The following GLIS1 variants were observed in gnomAD, a reference collection of about 807,000 sequenced individuals.
The protein encoded by GLIS1 is zinc finger protein GLIS1.
A neutral mutation model predicts 63.8 loss-of-function variants in GLIS1; 24 were observed. The ratio of observed to expected loss-of-function variants is 0.38; its 90% confidence interval spans 0.27 to 0.53. The LOEUF (loss-of-function observed/expected upper bound fraction) is 0.53, where lower values mean the gene tolerates loss of function less well. Among genes scored for constraint, GLIS1 ranks in the 20% least tolerant of loss-of-function variants. The pLI, the probability that GLIS1 is intolerant of heterozygous loss-of-function variation, is 0.85. For synonymous variants in GLIS1, 450 were observed against 482.5 expected, an observed-to-expected ratio of 0.93 and a Z score of 0.88; for missense variants, 1,036 against 1,074.1, an observed-to-expected ratio of 0.96 and a Z score of 0.50.
rs1048572803 is a variant in GLIS1 at position 53,594,316 on chromosome 1, G to A, written c.1112C>T (p.Ala371Val). The change falls in exon 4 of 11, where the codon GCG (alanine) becomes GTG (valine). Residue 371 changes from alanine to valine, a missense_variant. Coordinates refer to ENST00000628545, the MANE Select transcript of GLIS1 (RefSeq NM_001367484.1). ...TGCACAGCAGTCCACCCAGCGGCACGCCTGCCGCCCGGCCACCACCCTGCC... is the reference window on the plus strand; with the variant it reads ...TGCACAGCAGTCCACCCAGCGGCACACCTGCCGCCCGGCCACCACCCTGCC... The part of the protein sequence containing the change: ...LAGRVVAGRQ[A>V]CRWVDCCAAY... The A allele has an allele frequency of 1.9e-6, 3 of 1,611,956 alleles. No individual in the cohort carries two copies. The highest frequency in any genetic ancestry group is 2.5e-6 in the Non-Finnish European group (3 of 1,179,684).
chr1:53,612,574 C>T (rs1439865569), intron 2 of GLIS1, among the ~76,000 whole-genome samples: 1 of 152,144 alleles, frequency 6.6e-6, no homozygotes, highest in African/African-American at 2.4e-5. Flanking sequence ...CCCCATCTCC[C>T]TGGGATCTTG....
chr1:53,705,145 G>A (rs777833193), intron 2 of GLIS1, among the ~76,000 whole-genome samples: 12 of 152,154 alleles, frequency 7.9e-5, no homozygotes, highest in South Asian at 4.2e-4. Flanking sequence ...ACTCAGTGTC[G>A]GGGCCCAGTT....
chr1:53,695,841 C>G (rs116416519), intron 2 of GLIS1, among the ~76,000 whole-genome samples: 4,833 of 152,334 alleles, frequency 0.032, 109 homozygotes, highest in Middle Eastern at 0.054. Flanking sequence ...GAAATGAAAA[C>G]TCTTCATCTG....
chr1:53,532,987 TGCCTCTCC>T (rs1644546457), intron 4 of GLIS1, among the ~76,000 whole-genome samples: 1 of 152,242 alleles, frequency 6.6e-6, no homozygotes, highest in Non-Finnish European at 1.5e-5. Context: ...TGGACCCAAC[TGCCTCTCC>T]CATGCAGACG....
At chr1:53,662,221 T>A (rs1336556487) in intron 2 of GLIS1, among the ~76,000 whole-genome samples, 1 of 152,306 alleles carries the variant, frequency 6.6e-6, no homozygotes, top group East Asian at 1.9e-4. Context: ...CCCTGGTTGA[T>A]GTGCCGTGTG....
At chr1:53,520,110 C>A (rs1283223533) in intron 7 of GLIS1, among the ~76,000 whole-genome samples, 1 of 152,206 alleles carries the variant, frequency 6.6e-6, no homozygotes, top group African/African-American at 2.4e-5. Flanking sequence ...AGAGTGACAG[C>A]TCAGAGTGCT....
In GLIS1 at chr1:53,560,332, G is replaced by C. The variant is rs962679540; in HGVS notation, c.1321-30380C>G. 7.9e-5 allele frequency among the ~76,000 whole-genome samples: 12 copies of C among 152,174 alleles called. No homozygotes were observed. Among genetic ancestry groups the C allele is most frequent in the Non-Finnish European group, 1.5e-4 (10 of 68,022 alleles). On this transcript the variant is annotated intron_variant, in intron 4 of 10. Transcript: ENST00000628545. The surrounding 1 kb of genome is among the most constrained non-coding windows in gnomAD (Gnocchi z 4.4). The stretch of plus-strand genomic sequence containing the variant: ...AGGAGCCCTAGGGGTTGCTGGGCCT[G>C]CCCCTGCCCAGCAACTGAGTGCCCA...
chr1:53,723,060 G>C (rs997781440), intron 2 of GLIS1, among the ~76,000 whole-genome samples: 19 of 151,882 alleles, frequency 1.3e-4, no homozygotes, highest in Admixed American at 1.0e-3. Context: ...TTGAACCTGG[G>C]AGGCAGAGGC....
At position 53,657,255 on chromosome 1, in the gene GLIS1, G is replaced by A. The variant is rs1645976747; in HGVS notation, c.260-56977C>T. On this transcript the variant is annotated intron_variant, in intron 2 of 10. Transcript: ENST00000628545. ...CAGTGGTTGAGGGGTATGCTAATAG[G>A]TCAGAGACTCAAATCCATGCCACAG... Among the ~76,000 whole-genome samples the A allele has an allele frequency of 2.0e-5, 3 of 152,158 alleles. No homozygotes were observed. The South Asian group carries it at 6.2e-4, about 32-fold the overall frequency.
chr1:53,665,445 C>A (rs1185607318), intron 2 of GLIS1, among the ~76,000 whole-genome samples: 1 of 152,146 alleles, frequency 6.6e-6, no homozygotes, highest in Non-Finnish European at 1.5e-5. Flanking sequence ...AATTTTGGAT[C>A]TACCACATGA....
intron 4 of GLIS1, among the ~76,000 whole-genome samples, chr1:53,569,816 T>C (rs933893884): frequency 2.6e-5 from 4 of 151,586 alleles, no homozygotes; most frequent in Admixed American, 2.6e-4. Context: ...AAAAAAGTAA[T>C]TAAAAAAGAT....
At chr1:53,599,522 A>G (rs1645294243) in intron 3 of GLIS1, among the ~76,000 whole-genome samples, 1 of 152,260 alleles carries the variant, frequency 6.6e-6, no homozygotes, top group Non-Finnish European at 1.5e-5. Context: ...CCTTTTCTTT[A>G]TAAATTACCC....
intron 2 of GLIS1, among the ~76,000 whole-genome samples, chr1:53,614,840 A>C (rs1645463175): frequency 6.6e-6 from 1 of 151,802 alleles, no homozygotes; most frequent in Admixed American, 6.6e-5. Context: ...ACACACATGC[A>C]CACACACGGA....
intron 4 of GLIS1, among the ~76,000 whole-genome samples, chr1:53,530,670 T>A (rs1316049658): frequency 1.3e-5 from 2 of 152,154 alleles, no homozygotes; most frequent in Non-Finnish European, 2.9e-5. Flanking sequence ...CCAGACAATT[T>A]CCAGCCTTTG....
At chr1:53,589,657 T>TA (rs1645169317) in intron 4 of GLIS1, among the ~76,000 whole-genome samples, 1 of 151,992 alleles carries the variant, frequency 6.6e-6, no homozygotes, top group Non-Finnish European at 1.5e-5. Context: ...GAGAGGGGCG[T>TA]AAGGAATGGA....
intron 2 of GLIS1, among the ~76,000 whole-genome samples, chr1:53,620,477 A>C (rs965234563): frequency 1.3e-5 from 2 of 152,248 alleles, no homozygotes; most frequent in African/African-American, 4.8e-5. Context: ...GCTCACTGCC[A>C]AGCACAGGGA....
intron 4 of GLIS1, among the ~76,000 whole-genome samples, chr1:53,580,319 T>C (rs1466250205): frequency 1.3e-5 from 2 of 152,192 alleles, no homozygotes; most frequent in Non-Finnish European, 2.9e-5. Context: ...CAGGCCTCCC[T>C]ACCTGTGAGG....
chr1:53,654,036 G>A (rs1435913664), intron 2 of GLIS1, among the ~76,000 whole-genome samples: 1 of 152,230 alleles, frequency 6.6e-6, no homozygotes, highest in East Asian at 1.9e-4. Flanking sequence ...GGCTGTGAGA[G>A]GGGCAGTGCC....
At chr1:53,568,933 G>A (rs1276454834) in intron 4 of GLIS1, among the ~76,000 whole-genome samples, 1 of 152,200 alleles carries the variant, frequency 6.6e-6, no homozygotes, top group Admixed American at 6.5e-5. Context: ...GAATGGGTAA[G>A]TAAACTGTGT....
Sources: allele counts gnomAD v4.1 joint callset (sites outside exome capture counted in the v4.1 genomes callset), GRCh38; gene constraint gnomAD v4.1.1; non-coding constraint Gnocchi (gnomAD v3.1); transcripts MANE v1.5; gene names NCBI Gene and HGNC (gene_info 2026-07-23, HGNC 2026-07-21).